MAP1A: variants seen among roughly 807,000 people sequenced by gnomAD.
The protein encoded by MAP1A is microtubule associated protein 1A.
Under a neutral mutation model 185.9 loss-of-function variants are expected in MAP1A, and 42 were observed. The observed-to-expected ratio is 0.23, with a 90% confidence interval of 0.18 to 0.29. MAP1A has a LOEUF of 0.29. Ranked by LOEUF, MAP1A falls within the 10% of genes least tolerant of loss-of-function variation. The pLI is 1.00. For synonymous variants in MAP1A, 1,229 were observed against 1,335.9 expected (o/e 0.92, Z 1.74); for missense variants, 2,995 against 3,450.4 (o/e 0.87, Z 3.31).
At chr15:43,520,814 C>A in intron 2 of MAP1A, 91 bp downstream of exon 2, 1 of 1,320,712 alleles carries the variant, frequency 7.6e-7, no homozygotes, top group Non-Finnish European at 1.1e-6. Context: ...CCAAGAATTC[C>A]TCTCTCTGCC....
rs371646413 is a variant in MAP1A at position 43,529,898 on chromosome 15, A to G, written c.8256+28A>G. The G allele has an allele frequency of 2.6e-5, 41 of 1,604,646 alleles. No homozygotes were observed. Among genetic ancestry groups the G allele is most frequent in the Admixed American group, 6.7e-5 (4 of 59,686 alleles). On this transcript the variant is annotated intron_variant, in intron 5 of 5. Coordinates refer to ENST00000300231, the MANE Select transcript of MAP1A (RefSeq NM_002373.6). This position sits in a 1 kb window ranked among gnomAD's most constrained non-coding sequence, Gnocchi z 4.3. Reference sequence around the variant, plus strand: ...GAGTAGCAAAGGACACCAAGGAAGTAGTCTGGTCAACGCTCACTCAGAGGC... The same window carrying G: ...GAGTAGCAAAGGACACCAAGGAAGTGGTCTGGTCAACGCTCACTCAGAGGC...
In MAP1A at chr15:43,530,900, A is replaced by G. The variant is rs2079368976; in HGVS notation, c.*676A>G. The G allele has an allele frequency of 6.5e-6, 1 of 153,014 alleles. No homozygotes were observed. Among genetic ancestry groups the G allele is most frequent in the Admixed American group, 6.5e-5 (1 of 15,330 alleles). The allele number at this position is 153,014 out of a possible 1,614,324, so 9.5% of individuals were successfully genotyped here. A position where few individuals can be genotyped will look rare whatever the true frequency, so the allele number is the denominator to read the frequency against. ...CCCCAGACCCTGCTTTATACCATTC[A>G]CATCCCAGGGCTGTGTCCAGACAGC... On this transcript the variant is annotated 3_prime_UTR_variant, in exon 6 of 6. Coordinates refer to ENST00000300231, the MANE Select transcript of MAP1A (RefSeq NM_002373.6).
upstream of MAP1A, among the ~76,000 whole-genome samples, chr15:43,515,779 G>T (rs1207313216): frequency 6.6e-6 from 1 of 152,142 alleles, no homozygotes; most frequent in Non-Finnish European, 1.5e-5. Context: ...TCAAATCCAG[G>T]GTTTCATATC....
At chr15:43,517,241 TGAG>T (rs560335456), upstream of MAP1A, among the ~76,000 whole-genome samples, 14 of 152,224 alleles carry the variant, frequency 9.2e-5, no homozygotes, top group South Asian at 2.3e-3. Flanking sequence ...TGGATCCATC[TGAG>T]GAGAGAGGCA....
rs757451475 is a variant in MAP1A, at chr15:43,521,311, C to G, written c.-150-13C>G. 4 of 1,592,748 alleles carry G rather than the reference C, an allele frequency of 2.5e-6. No individual in the cohort carries two copies. The highest frequency in any genetic ancestry group is 1.3e-5 in the African/African-American group (1 of 74,086). ...TAGTGACCTGATCAGGTTTCTATCT[C>G]CTATTCTTCTAGATTTCCCAATTGC... On this transcript the variant is annotated splice_polypyrimidine_tract_variant and intron_variant, in intron 3 of 5. Transcript: ENST00000300231. The surrounding 1 kb of genome is among the most constrained non-coding windows in gnomAD (Gnocchi z 4.6).
In MAP1A at chr15:43,526,221, G is replaced by A; in HGVS notation, c.4748G>A (p.Ser1583Asn). ...EENHQTQEQE[S>N]LVQEDKTRKP... is the part of the protein sequence containing the mutation. ...AACCACCAAACTCAGGAGCAGGAGA[G>A]CCTAGTGCAGGAGGATAAAACCAGG... is the stretch of plus-strand genomic sequence containing the variant. The change falls in exon 4 of 6, where the codon AGC becomes AAC. Residue 1583 changes from serine to asparagine, a missense_variant. By Grantham distance (46) the Ser-to-Asn change is conservative. Coordinates refer to ENST00000300231, the MANE Select transcript of MAP1A (RefSeq NM_002373.6). This position sits in a 1 kb window ranked among gnomAD's most constrained non-coding sequence, Gnocchi z 4.7. 1 of 1,614,086 alleles carries A rather than the reference G, an allele frequency of 6.2e-7. No individual in the cohort carries two copies.
At chr15:43,518,268 C>T (rs905709320) in intron 1 of MAP1A, among the ~76,000 whole-genome samples, 6 of 151,998 alleles carry the variant, frequency 3.9e-5, no homozygotes, top group African/African-American at 1.5e-4. Context: ...CAGTGGGCTC[C>T]CCCACCCTAT....
intron 2 of MAP1A, chr15:43,512,344 T>C: frequency 5.4e-6 from 7 of 1,302,900 alleles, no homozygotes; most frequent in Non-Finnish European, 6.5e-6. Context: ...GTCACAGAGG[T>C]CCAGTCTCCC....
At position 43,527,610 on chromosome 15, in the gene MAP1A, G is replaced by A; in HGVS notation, c.6137G>A (p.Arg2046Lys). The change falls in exon 4 of 6, where the codon AGG becomes AAG. Residue 2046 changes from arginine (R) to lysine (K), a missense_variant. Arg to Lys is a conservative substitution (Grantham distance 26). Transcript: ENST00000300231. ...CTGGCAGGACCCACTGTACCCCCAA[G>A]GCCAGAGCCAGGGCCAAGTATGGAG... The part of the protein sequence containing the change: ...AALAGPTVPP[R>K]PEPGPSMEPS... The A allele has an allele frequency of 1.2e-6, 2 of 1,613,652 alleles. No individual in the cohort carries two copies. The highest frequency in any genetic ancestry group is 1.7e-6 in the Non-Finnish European group (2 of 1,179,914).
chr15:43,520,768 G>A lies in MAP1A; in HGVS notation c.-292+45G>A, dbSNP rs761759542. ...CTTGCCAAACAGGCCTGGTGCAAGT[G>A]CTATACCCACCCTTGCCAGTGCTAC... On this transcript the variant is annotated intron_variant, in intron 2 of 5. Coordinates refer to ENST00000300231, the MANE Select transcript of MAP1A (RefSeq NM_002373.6). 68 of 1,461,216 alleles carry A rather than the reference G, an allele frequency of 4.7e-5. No individual in the cohort carries two copies. The Middle Eastern group carries it at 6.8e-4, about 15-fold the overall frequency. The allele number at this position is 1,461,216 out of a possible 1,614,324, so 90.5% of individuals were successfully genotyped here.
At chr15:43,513,669 T>C (rs970391159), upstream of MAP1A, among the ~76,000 whole-genome samples, 1 of 152,334 alleles carries the variant, frequency 6.6e-6, no homozygotes, top group African/African-American at 2.4e-5. Flanking sequence ...CAATTTTATA[T>C]TAATATATGT....
Position 43,528,618 on chromosome 15 carries a change from C to T in MAP1A, c.7145C>T (p.Ala2382Val). 1 of 1,613,676 alleles carries T rather than the reference C, an allele frequency of 6.2e-7. No homozygotes were observed. The highest frequency in any genetic ancestry group is 8.5e-7 in the Non-Finnish European group (1 of 1,179,958). ...CCAGCCAAGGCTGAAAATGAAGAGGCTGCGGCTTGCCCTGCCTGGGAACGT... is the reference window on the plus strand; with the variant it reads ...CCAGCCAAGGCTGAAAATGAAGAGGTTGCGGCTTGCCCTGCCTGGGAACGT... The part of the protein sequence containing the change: ...PAPAKAENEE[A>V]AACPAWERGA... The change falls in exon 4 of 6, where the codon GCT (alanine) becomes GTT (valine). Residue 2382 changes from alanine (A) to valine (V), a missense_variant. By Grantham distance (64) the Ala-to-Val change is moderately conservative. This residue lies in a region of MAP1A where 2,728 missense variants were observed against 2,986.0 expected (regional missense o/e 0.91). Coordinates refer to ENST00000300231, the MANE Select transcript of MAP1A (RefSeq NM_002373.6).
chr15:43,511,242 G>A (rs1298493480), intron 1 of MAP1A: 11 of 1,543,568 alleles, frequency 7.1e-6, no homozygotes, highest in African/African-American at 1.4e-5. Flanking sequence ...CCACTGTTCT[G>A]GCTGTGCTTC....
At position 43,526,075 on chromosome 15, in the gene MAP1A, C is replaced by A; in HGVS notation, c.4602C>A (p.His1534Gln). The change falls in exon 4 of 6, where the codon CAC (histidine) becomes CAA (glutamine). Residue 1534 changes from histidine (H) to glutamine (Q), a missense_variant. His to Gln is a conservative substitution (Grantham distance 24). This residue lies in a region of MAP1A where 2,728 missense variants were observed against 2,986.0 expected (regional missense o/e 0.91). Coordinates refer to ENST00000300231, the MANE Select transcript of MAP1A (RefSeq NM_002373.6). This position sits in a 1 kb window ranked among gnomAD's most constrained non-coding sequence, Gnocchi z 4.7. ...CAGACAAAGCCCCTGAACAGAAACA[C>A]CAGGCCCAGGAACAAAAGGATAAAG... ...EQTDKAPEQK[H>Q]QAQEQKDKVS... is the part of the protein sequence containing the mutation. 1 of 1,614,118 alleles carries A rather than the reference C, an allele frequency of 6.2e-7. No individual in the cohort carries two copies. Among genetic ancestry groups the A allele is most frequent in the Non-Finnish European group, 8.5e-7 (1 of 1,180,034 alleles).
rs1470072778 is a variant in MAP1A at position 43,521,739 on chromosome 15, A to G, written c.266A>G (p.His89Arg). ...LDRIDSVLLT[H>R]IGADNLPGIN... ...CGCATTGACTCGGTGCTACTCACAC[A>G]CATTGGGGCAGACAACCTGCCAGGC... is the stretch of plus-strand genomic sequence containing the variant. Residue 89 changes from histidine (H) to arginine (R), a missense_variant, in exon 4 of 6, where the codon CAC becomes CGC. Physicochemically the swap from His to Arg is conservative, Grantham distance 29 (BLOSUM62 0). Around this residue, in one of 3 missense-constraint regions of MAP1A, gnomAD observed 264 missense variants for 435.3 expected, o/e 0.61. Coordinates refer to ENST00000300231, the MANE Select transcript of MAP1A (RefSeq NM_002373.6). The surrounding 1 kb of genome is among the most constrained non-coding windows in gnomAD (Gnocchi z 4.6). The G allele has an allele frequency of 6.2e-7, 1 of 1,614,236 alleles. No individual in the cohort carries two copies. Among genetic ancestry groups the G allele is most frequent in the Non-Finnish European group, 8.5e-7 (1 of 1,180,044 alleles).
rs201238006 is a variant in MAP1A, at chr15:43,530,142, A to T, written c.8330A>T (p.Gln2777Leu). Reference sequence around the variant, plus strand: ...CAACAAACTCATGAGCAGCAGCAACAACTGAATGTCCTGGTCCTGGCTAGC... The same window carrying T: ...CAACAAACTCATGAGCAGCAGCAACTACTGAATGTCCTGGTCCTGGCTAGC... ...WYQQTHEQQQ[Q>L]LNVLVLASSS... Residue 2777 changes from glutamine (Q) to leucine (L), a missense_variant, in exon 6 of 6, where the codon CAA (glutamine) becomes CTA (leucine). Physicochemically the swap from Gln to Leu is moderately radical, Grantham distance 113. Around this residue, in one of 3 missense-constraint regions of MAP1A, gnomAD observed 2,728 missense variants for 2,986.0 expected, o/e 0.91. Transcript: ENST00000300231. 47 of 1,614,090 alleles carry T rather than the reference A, an allele frequency of 2.9e-5. No individual in the cohort carries two copies. The East Asian group carries it at 9.6e-4, about 33-fold the overall frequency.
Position 43,529,485 on chromosome 15 carries a change from T to C in MAP1A, c.8012T>C (p.Val2671Ala), listed in dbSNP as rs1233557013. 1 of 1,609,062 alleles carries C rather than the reference T, an allele frequency of 6.2e-7. No homozygotes were observed. The change falls in exon 4 of 6, where the codon GTC (valine) becomes GCC (alanine). Residue 2671 changes from valine to alanine, a missense_variant. Val to Ala is a moderately conservative substitution (Grantham distance 64, BLOSUM62 0). Transcript: ENST00000300231. This position sits in a 1 kb window ranked among gnomAD's most constrained non-coding sequence, Gnocchi z 4.3. Reference sequence around the variant, plus strand: ...CACAGCCCCATGTCCAAAGGCCTAGTCAATGGACTCAAGGCAGGACCAAGT... The same window carrying C: ...CACAGCCCCATGTCCAAAGGCCTAGCCAATGGACTCAAGGCAGGACCAAGT... Reference protein sequence around the residue: ...DGHSPMSKGLVNGLKAGPMAL... With the variant: ...DGHSPMSKGLANGLKAGPMAL...
At chr15:43,511,066 C>T in exon 1 of MAP1A, 2 of 1,549,456 alleles carry the variant, frequency 1.3e-6, no homozygotes, top group Non-Finnish European at 1.7e-6. Context: ...TCCGAAGTCC[C>T]GGCGCACCGC....
chr15:43,527,191 G>A lies in MAP1A; in HGVS notation c.5718G>A (p.Gly1906=), dbSNP rs775962887. Residue 1906 remains glycine, a synonymous_variant, in exon 4 of 6, where the codon GGG becomes GGA. Transcript: ENST00000300231. ...ELEGGPYSPL[G]KDYRKAEGER... is the part of the protein sequence containing the mutation. ...AAGGTGGGCCATACTCCCCCCTGGG[G>A]AAGGACTACCGCAAGGCTGAAGGGG... 1.2e-6 allele frequency: 2 copies of A among 1,614,052 alleles called. No homozygotes were observed. Among genetic ancestry groups the A allele is most frequent in the South Asian group, 2.2e-5 (2 of 91,058 alleles).
Sources: allele counts gnomAD v4.1 joint callset (sites outside exome capture counted in the v4.1 genomes callset), GRCh38; gene constraint gnomAD v4.1.1; regional missense constraint gnomAD v4.1.1; non-coding constraint Gnocchi (gnomAD v3.1); transcripts MANE v1.5; gene names NCBI Gene and HGNC (gene_info 2026-07-23, HGNC 2026-07-21).